SLCO1C1: variants seen among roughly 807,000 people sequenced by gnomAD.
SLCO1C1 encodes the protein solute carrier organic anion transporter family member 1C1, also known as OAT-RP-5.
Under a neutral mutation model 76.4 loss-of-function variants are expected in SLCO1C1, and 70 were observed. The observed-to-expected ratio is 0.92, with a 90% CI of 0.76 to 1.12. The LOEUF (loss-of-function observed/expected upper bound fraction) is 1.12. SLCO1C1 is among the 50% of genes most tolerant of loss of function. The pLI is 0.00. For synonymous variants in SLCO1C1, 306 were observed against 286.1 expected, an observed-to-expected ratio of 1.07 and a Z score of -0.70; for missense variants, 912 against 823.8, an observed-to-expected ratio of 1.11 and a Z score of -1.31.
chr12:20,731,866 CA>C (rs983265832), intron 9 of SLCO1C1, among the ~76,000 whole-genome samples: 10 of 151,802 alleles, frequency 6.6e-5, no homozygotes, highest in South Asian at 2.1e-4. Flanking sequence ...AATTGCATGA[CA>C]TTTTTTTTTA....
intron 3 of SLCO1C1, among the ~76,000 whole-genome samples, chr12:20,702,091 C>T (rs778860880): frequency 3.3e-5 from 5 of 151,896 alleles, no homozygotes; most frequent in Non-Finnish European, 7.4e-5. Flanking sequence ...GAGGATAATC[C>T]TAGTTAGTCT....
intron 9 of SLCO1C1, among the ~76,000 whole-genome samples, chr12:20,727,522 G>A (rs921094779): frequency 6.6e-6 from 1 of 151,972 alleles, no homozygotes; most frequent in Non-Finnish European, 1.5e-5. Context: ...GTTTTGCTTT[G>A]TTTTTGAGCC....
rs558846745 is a variant in SLCO1C1 at position 20,711,703 on chromosome 12, G to T, written c.529+193G>T. ...TAGATCCTAAGAAAATATACCAGAT[G>T]ATCAAATCTTATGGAAAAAAAGCAT... On this transcript the variant is annotated intron_variant, in intron 5 of 14. Transcript: ENST00000266509. Among the ~76,000 whole-genome samples the T allele has an allele frequency of 7.9e-5, 12 of 151,914 alleles. No individual in the cohort carries two copies. In the East Asian group the frequency reaches 2.1e-3, roughly 27 times the overall value.
At chr12:20,717,394 T>C (rs990885166) in intron 7 of SLCO1C1, among the ~76,000 whole-genome samples, 164 bp downstream of exon 7, 2 of 151,920 alleles carry the variant, frequency 1.3e-5, no homozygotes, top group Non-Finnish European at 2.9e-5. Context: ...GATTAATAAA[T>C]GGAATATGAA....
At chr12:20,716,772 A>G (rs1277886001) in intron 6 of SLCO1C1, among the ~76,000 whole-genome samples, 1 of 152,210 alleles carries the variant, frequency 6.6e-6, no homozygotes, top group Admixed American at 6.5e-5. Context: ...TGCTTAACTG[A>G]ACGTAAAATG....
intron 4 of SLCO1C1, among the ~76,000 whole-genome samples, chr12:20,707,251 T>C (rs989246161): frequency 2.0e-5 from 3 of 151,998 alleles, no homozygotes; most frequent in East Asian, 1.9e-4. Context: ...TCTACAAAAA[T>C]GTTATGTATG....
chr12:20,697,166 GATAA>G (rs770491723), intron 1 of SLCO1C1: 4 of 151,136 alleles, frequency 2.6e-5, no homozygotes, highest in Non-Finnish European at 5.9e-5. Context: ...ATAAATTTAG[GATAA>G]ATGATAGCAG....
chr12:20,715,347 TC>T, intron 6 of SLCO1C1, 62 bp downstream of exon 6: 1 of 1,581,140 alleles, frequency 6.3e-7, no homozygotes, highest in Non-Finnish European at 8.6e-7. Context: ...TTTTCTGAAT[TC>T]CCCTCTATGC....
intron 6 of SLCO1C1, among the ~76,000 whole-genome samples, chr12:20,716,518 T>G (rs746212976): frequency 5.9e-5 from 9 of 152,332 alleles, no homozygotes; most frequent in South Asian, 4.1e-4. Flanking sequence ...GAACTACCTT[T>G]CTGGTTATTA....
intron 13 of SLCO1C1, among the ~76,000 whole-genome samples, chr12:20,747,484 T>G (rs1451222599): frequency 6.6e-6 from 1 of 152,104 alleles, no homozygotes; most frequent in Non-Finnish European, 1.5e-5. Context: ...GGCAAAACAT[T>G]AATAATTGTC....
chr12:20,696,341 A>G (rs564154012), intron 1 of SLCO1C1, among the ~76,000 whole-genome samples: 1 of 152,242 alleles, frequency 6.6e-6, no homozygotes, highest in Admixed American at 6.5e-5. Context: ...GGCCAAGAGA[A>G]GAGAGGGAGG....
At chr12:20,715,895 A>C (rs570695181) in intron 6 of SLCO1C1, among the ~76,000 whole-genome samples, 26 of 152,350 alleles carry the variant, frequency 1.7e-4, no homozygotes, top group Non-Finnish European at 3.7e-4. Flanking sequence ...GCAGAGGCAA[A>C]GTCCTAAGGT....
At chr12:20,709,609 C>T (rs1200238382) in intron 4 of SLCO1C1, among the ~76,000 whole-genome samples, 1 of 15,616 alleles carries the variant, frequency 6.4e-5, no homozygotes, top group African/African-American at 1.7e-4. Context: ...AGGCCGGGCG[C>T]GGTGGCTCAC....
intron 9 of SLCO1C1, among the ~76,000 whole-genome samples, chr12:20,731,213 C>T (rs1948247795): frequency 6.6e-6 from 1 of 152,128 alleles, no homozygotes; most frequent in African/African-American, 2.4e-5. Context: ...TGCAAACCAC[C>T]CCCAGCCTTC....
In SLCO1C1 at chr12:20,709,196, G is replaced by A. The variant is rs555454189; in HGVS notation, c.405-2190G>A. Among the ~76,000 whole-genome samples, 11 of 152,208 alleles carry A rather than the reference G, an allele frequency of 7.2e-5. No individual in the cohort carries two copies. The East Asian group carries it at 1.4e-3, about 19-fold the overall frequency. ...AAAAGCATTTATAATATTAGTCCCC[G>A]ATTTAAATAATTACACTTTTGTCTC... On this transcript the variant is annotated intron_variant, in intron 4 of 14. Transcript: ENST00000266509.
At chr12:20,728,912 A>G (rs926198507) in intron 9 of SLCO1C1, among the ~76,000 whole-genome samples, 8 of 152,158 alleles carry the variant, frequency 5.3e-5, no homozygotes, top group African/African-American at 1.9e-4. Flanking sequence ...TAGCTCTTAA[A>G]TGTATCTAAG....
intron 9 of SLCO1C1, among the ~76,000 whole-genome samples, chr12:20,724,466 T>TGC (rs1947858226): frequency 6.9e-6 from 1 of 145,438 alleles, no homozygotes; most frequent in East Asian, 2.0e-4. Flanking sequence ...TGTGTGTGTG[T>TGC]GTGTGTGTGT....
chr12:20,738,615 TTTTC>T (rs1436153289), intron 11 of SLCO1C1, among the ~76,000 whole-genome samples: 2 of 152,220 alleles, frequency 1.3e-5, no homozygotes, highest in African/African-American at 2.4e-5. Context: ...TCTTTTTTTC[TTTTC>T]TTTGCTTTCT....
intron 10 of SLCO1C1, among the ~76,000 whole-genome samples, chr12:20,734,602 G>A (rs1565534723): frequency 1.3e-5 from 2 of 152,072 alleles, no homozygotes; most frequent in African/African-American, 4.8e-5. Context: ...ATGGATCTGG[G>A]GTTTGAACAC....
Sources: gnomAD v4.1 joint callset for allele counts (sites outside exome capture counted in the v4.1 genomes callset) on GRCh38, gnomAD v4.1.1 for gene constraint, MANE v1.5 for transcripts, NCBI Gene and HGNC (gene_info 2026-07-23, HGNC 2026-07-21) for gene names.